NRXN3: variants seen among roughly 807,000 people sequenced by gnomAD.
NRXN3 encodes the protein neurexin III.
A neutral mutation model predicts 137.6 loss-of-function variants in NRXN3; 32 were observed. The observed-to-expected ratio is 0.23, with a 90% confidence interval of 0.18 to 0.31. NRXN3 has a LOEUF of 0.31. Ranked by LOEUF, NRXN3 falls within the 10% of genes least tolerant of loss-of-function variation. NRXN3 has a pLI of 1.00. For synonymous variants in NRXN3, 798 were observed against 784.5 expected, an observed-to-expected ratio of 1.02 and a Z score of -0.29; for missense variants, 1,574 against 2,062.5, an observed-to-expected ratio of 0.76 and a Z score of 4.59.
chr14:79,171,425 C>G (rs532337440), intron 15 of NRXN3, among the ~76,000 whole-genome samples: 1 of 152,214 alleles, frequency 6.6e-6, no homozygotes, highest in South Asian at 2.1e-4. Context: ...TAGTTTCTTC[C>G]CCACCTGTCA....
At chr14:78,403,314 G>A (rs2092245265) in intron 4 of NRXN3, among the ~76,000 whole-genome samples, 1 of 152,202 alleles carries the variant, frequency 6.6e-6, no homozygotes, top group African/African-American at 2.4e-5. Context: ...GCTTCAAAAT[G>A]TCCTCTTTAG....
intron 15 of NRXN3, among the ~76,000 whole-genome samples, chr14:79,132,325 G>A (rs1325645656): frequency 2.0e-5 from 3 of 152,214 alleles, no homozygotes; most frequent in Non-Finnish European, 1.5e-5. Flanking sequence ...TGTATATACA[G>A]ATAAAATATT....
chr14:79,573,157 A>G (rs1302730873), intron 16 of NRXN3: 2 of 152,206 alleles, frequency 1.3e-5, no homozygotes, highest in African/African-American at 2.4e-5. Flanking sequence ...ACTTTACCAC[A>G]TTGAGAGTCC....
intron 8 of NRXN3, among the ~76,000 whole-genome samples, chr14:78,724,343 T>A (rs1022861500): frequency 1.3e-5 from 2 of 152,338 alleles, no homozygotes; most frequent in Admixed American, 1.3e-4. Flanking sequence ...GCAGCAAACA[T>A]GTAGTAATCA....
At chr14:78,251,379 C>T (rs1372871383) in intron 2 of NRXN3, among the ~76,000 whole-genome samples, 1 of 152,210 alleles carries the variant, frequency 6.6e-6, no homozygotes, top group Admixed American at 6.5e-5. Context: ...GCCTTTCGTA[C>T]ATTCTCAGTT....
intron 1 of NRXN3, among the ~76,000 whole-genome samples, chr14:78,232,391 G>A (rs1024719845): frequency 5.3e-5 from 8 of 152,138 alleles, no homozygotes; most frequent in Admixed American, 1.3e-4. Flanking sequence ...ATGATTGCTG[G>A]GCAGGCTTAT....
At chr14:78,310,260 CTT>C (rs201314931) in intron 4 of NRXN3, among the ~76,000 whole-genome samples, 14,402 of 124,864 alleles carry the variant, frequency 0.12, 825 homozygotes, top group Admixed American at 0.16. Flanking sequence ...TTATGAATGG[CTT>C]TTTTTTTTTT....
chr14:78,592,703 T>C (rs927479337), intron 4 of NRXN3, among the ~76,000 whole-genome samples: 7 of 152,190 alleles, frequency 4.6e-5, no homozygotes, highest in African/African-American at 1.7e-4. Context: ...TGCATTCTGC[T>C]CTGTGTGCAA....
chr14:79,213,825 A>T lies in NRXN3; in HGVS notation c.3262+225684A>T, dbSNP rs543706897. Among the ~76,000 whole-genome samples the T allele has an allele frequency of 9.7e-4, 147 of 152,278 alleles. 1 individual carries two copies. Among genetic ancestry groups the T allele is most frequent in the Admixed American group, 4.8e-3 (74 of 15,288 alleles). ...AAATGTCAGCACCAGTTCCAGAAGGAGGGACTGGCCCTTGTGATGGCCATA... is the reference window on the plus strand; with the variant it reads ...AAATGTCAGCACCAGTTCCAGAAGGTGGGACTGGCCCTTGTGATGGCCATA... On this transcript the variant is annotated intron_variant, in intron 15 of 20. Coordinates refer to ENST00000335750, the MANE Select transcript of NRXN3 (RefSeq NM_001330195.2).
intron 4 of NRXN3, among the ~76,000 whole-genome samples, chr14:78,602,739 G>T (rs1487668253): frequency 1.3e-5 from 2 of 152,224 alleles, no homozygotes; most frequent in South Asian, 2.1e-4. Flanking sequence ...CATGAGGGCA[G>T]AGAGTGGTGG....
At chr14:78,201,412 G>T (rs2061664700) in intron 1 of NRXN3, among the ~76,000 whole-genome samples, 2 of 152,122 alleles carry the variant, frequency 1.3e-5, no homozygotes, top group African/African-American at 4.8e-5. Context: ...CTTCTGCTGG[G>T]CAACTTTGAT....
chr14:78,604,856 A>G (rs1034003928), intron 4 of NRXN3, among the ~76,000 whole-genome samples: 1 of 152,332 alleles, frequency 6.6e-6, no homozygotes, highest in South Asian at 2.1e-4. Context: ...ATAAAGATCC[A>G]TGTTCAAAGT....
At chr14:79,731,039 A>G (rs2098920286) in intron 19 of NRXN3, among the ~76,000 whole-genome samples, 1 of 152,162 alleles carries the variant, frequency 6.6e-6, no homozygotes, top group Admixed American at 6.5e-5. Context: ...ATTGAATGAA[A>G]ATCTCCCTAT....
At chr14:79,818,298 C>T (rs530340806) in intron 20 of NRXN3, among the ~76,000 whole-genome samples, 1 of 152,160 alleles carries the variant, frequency 6.6e-6, no homozygotes, top group East Asian at 1.9e-4. Context: ...CGTGATCCGC[C>T]CGCCTCGGCC....
At chr14:79,736,667 G>T (rs2098943005) in intron 19 of NRXN3, among the ~76,000 whole-genome samples, 1 of 152,168 alleles carries the variant, frequency 6.6e-6, no homozygotes, top group African/African-American at 2.4e-5. Flanking sequence ...AGGCTGTGAA[G>T]GCCCCAAGTT....
intron 20 of NRXN3, among the ~76,000 whole-genome samples, chr14:79,834,644 C>T (rs1028964958): frequency 4.6e-5 from 7 of 152,000 alleles, no homozygotes; most frequent in South Asian, 2.1e-4. Flanking sequence ...TTGCCGAGAG[C>T]GGTACTCTAA....
At chr14:78,329,241 A>G (rs1031170847) in intron 4 of NRXN3, among the ~76,000 whole-genome samples, 2 of 152,174 alleles carry the variant, frequency 1.3e-5, no homozygotes, top group African/African-American at 2.4e-5. Flanking sequence ...CTCTGAGTTA[A>G]AATCCCACTT....
chr14:78,304,944 G>A (rs572776504), intron 4 of NRXN3, among the ~76,000 whole-genome samples: 46 of 152,334 alleles, frequency 3.0e-4, no homozygotes, highest in Non-Finnish European at 5.1e-4. Context: ...CTGTATGTAC[G>A]TATGAACACA....
chr14:79,206,588 T>C (rs2066825516), intron 15 of NRXN3, among the ~76,000 whole-genome samples: 1 of 152,166 alleles, frequency 6.6e-6, no homozygotes, highest in Non-Finnish European at 1.5e-5. Context: ...GCTCTAGAAA[T>C]GTTAACTGTT....
Sources: allele counts gnomAD v4.1 joint callset (sites outside exome capture counted in the v4.1 genomes callset), GRCh38; gene constraint gnomAD v4.1.1; transcripts MANE v1.5; gene names NCBI Gene and HGNC (gene_info 2026-07-23, HGNC 2026-07-21).